The following ERP44 variants were observed in gnomAD, a reference collection of about 807,000 sequenced individuals.
ERP44 encodes the protein endoplasmic reticulum resident protein 44.
A neutral mutation model predicts 53.4 loss-of-function variants in ERP44; 25 were observed. The observed-to-expected ratio is 0.47, with a 90% CI of 0.34 to 0.65. The LOEUF (loss-of-function observed/expected upper bound fraction) is 0.65. ERP44 is among the 30% of genes least tolerant of loss of function. The pLI, the probability that ERP44 is intolerant of heterozygous loss-of-function variation, is 0.01. For synonymous variants in ERP44, 145 were observed against 161.2 expected, an observed-to-expected ratio of 0.90 and a Z score of 0.76; for missense variants, 338 against 493.2, an observed-to-expected ratio of 0.69 and a Z score of 2.98.
intron 8 of ERP44, among the ~76,000 whole-genome samples, chr9:100,015,831 C>T (rs1284265189): frequency 6.6e-6 from 1 of 152,078 alleles, no homozygotes; most frequent in East Asian, 1.9e-4. Context: ...GGAGAATGCA[C>T]CCTAGATCCC....
At chr9:100,018,395 T>G in intron 6 of ERP44, 82 bp from the exon 7 acceptor site, 1 of 810,762 alleles carries the variant, frequency 1.2e-6, no homozygotes, top group East Asian at 2.4e-5. Context: ...TATATACTTA[T>G]CCATCATCTT....
At chr9:100,003,851 T>A (rs1184863159) in intron 10 of ERP44, among the ~76,000 whole-genome samples, 3 of 151,918 alleles carry the variant, frequency 2.0e-5, no homozygotes, top group Non-Finnish European at 4.4e-5. Context: ...GGAGCCTGGG[T>A]CTGCAGAGAT....
intron 2 of ERP44, among the ~76,000 whole-genome samples, chr9:100,059,418 G>C (rs1207899685): frequency 6.6e-6 from 1 of 152,192 alleles, no homozygotes; most frequent in African/African-American, 2.4e-5. Context: ...AAGTGTGGTG[G>C]TTCATGCCTG....
At chr9:100,068,395 C>T in intron 1 of ERP44, among the ~76,000 whole-genome samples, 2 of 93,788 alleles carry the variant, frequency 2.1e-5, no homozygotes, top group South Asian at 6.1e-4. Context: ...GGGTCAGCCC[C>T]CTGCCCGGCC....
intron 10 of ERP44, among the ~76,000 whole-genome samples, chr9:100,001,031 T>G (rs1292465398): frequency 6.6e-6 from 1 of 152,206 alleles, no homozygotes; most frequent in African/African-American, 2.4e-5. Flanking sequence ...TAAGTTTTGT[T>G]TGGTATGTTG....
At chr9:100,061,103 A>G (rs1451752851) in intron 1 of ERP44, among the ~76,000 whole-genome samples, 1 of 152,238 alleles carries the variant, frequency 6.6e-6, no homozygotes, top group Non-Finnish European at 1.5e-5. Flanking sequence ...AATGCTATAA[A>G]GAGATACAAT....
intron 1 of ERP44, among the ~76,000 whole-genome samples, chr9:100,060,798 A>C (rs1314060693): frequency 6.6e-6 from 1 of 152,264 alleles, no homozygotes; most frequent in Admixed American, 6.5e-5. Flanking sequence ...AGAAAATATA[A>C]AATTTTAAAC....
intron 10 of ERP44, among the ~76,000 whole-genome samples, chr9:100,003,225 T>C (rs1431195232): frequency 1.3e-5 from 2 of 152,254 alleles, no homozygotes; most frequent in Non-Finnish European, 2.9e-5. Flanking sequence ...CTCAGTATTT[T>C]CTTGAAGTTC....
intron 10 of ERP44, chr9:99,998,741 T>G (rs1830343158): frequency 2.7e-6 from 2 of 741,836 alleles, no homozygotes; most frequent in African/African-American, 3.5e-5. Context: ...CTTTTCTTTT[T>G]TCCTCTTCCC....
At chr9:100,075,689 T>G (rs917220270) in intron 1 of ERP44, among the ~76,000 whole-genome samples, 1 of 152,214 alleles carries the variant, frequency 6.6e-6, no homozygotes, top group African/African-American at 2.4e-5. Context: ...TGTCGAGATA[T>G]TCCTTCTAAG....
chr9:100,030,384 T>C (rs962675136), intron 4 of ERP44, among the ~76,000 whole-genome samples: 2 of 151,852 alleles, frequency 1.3e-5, no homozygotes, highest in Non-Finnish European at 1.5e-5. Context: ...TCTGGGTAAG[T>C]AGTGGGGTAT....
intron 4 of ERP44, among the ~76,000 whole-genome samples, chr9:100,036,004 A>G (rs1186161349): frequency 6.6e-6 from 1 of 152,238 alleles, no homozygotes; most frequent in South Asian, 2.1e-4. Context: ...CAAAGAACTA[A>G]GAGTTGAACT....
intron 3 of ERP44, among the ~76,000 whole-genome samples, chr9:100,056,430 A>C (rs541735664): frequency 1.3e-5 from 2 of 152,360 alleles, no homozygotes; most frequent in South Asian, 4.1e-4. Context: ...GCCACATTTT[A>C]AGCAAAGTGC....
At chr9:100,021,485 G>T (rs777151872) in intron 5 of ERP44, among the ~76,000 whole-genome samples, 2 of 152,222 alleles carry the variant, frequency 1.3e-5, no homozygotes, top group Non-Finnish European at 2.9e-5. Flanking sequence ...TAATTGGTTA[G>T]CTTAGCTTGC....
chr9:100,046,405 G>A (rs1405325198), intron 4 of ERP44, among the ~76,000 whole-genome samples: 1 of 152,158 alleles, frequency 6.6e-6, no homozygotes, highest in Non-Finnish European at 1.5e-5. Context: ...AGATGTTGAT[G>A]TTAGGGCAAA....
intron 4 of ERP44, among the ~76,000 whole-genome samples, chr9:100,023,143 T>C (rs769030356): frequency 6.6e-6 from 1 of 152,166 alleles, no homozygotes; most frequent in Non-Finnish European, 1.5e-5. Flanking sequence ...AATAGATACA[T>C]ATCAACTATA....
At chr9:100,028,009 A>C (rs1201289246) in intron 4 of ERP44, among the ~76,000 whole-genome samples, 3 of 152,236 alleles carry the variant, frequency 2.0e-5, no homozygotes, top group Non-Finnish European at 4.4e-5. Context: ...CTCAGGCTTA[A>C]CTGCTCATCC....
chr9:100,035,199 G>T (rs1825838334), intron 4 of ERP44, among the ~76,000 whole-genome samples: 1 of 152,068 alleles, frequency 6.6e-6, no homozygotes, highest in African/African-American at 2.4e-5. Flanking sequence ...AAAAGCAACT[G>T]CAACAAAAAC....
intron 4 of ERP44, among the ~76,000 whole-genome samples, chr9:100,045,399 G>T (rs1364036171): frequency 6.6e-6 from 1 of 152,072 alleles, no homozygotes; most frequent in Admixed American, 6.5e-5. Flanking sequence ...GGGTGTGTTT[G>T]GTTCATTGCT....
Sources: gnomAD v4.1 joint callset for allele counts (sites outside exome capture counted in the v4.1 genomes callset) on GRCh38, gnomAD v4.1.1 for gene constraint, MANE v1.5 for transcripts, NCBI Gene and HGNC (gene_info 2026-07-23, HGNC 2026-07-21) for gene names.